TMEM117: variants seen among roughly 807,000 people sequenced by gnomAD.
TMEM117 encodes transmembrane protein 117.
Under a neutral mutation model 52.4 loss-of-function variants are expected in TMEM117, and 27 were observed. The ratio of observed to expected loss-of-function variants is 0.51; its 90% confidence interval spans 0.38 to 0.71. TMEM117 has a LOEUF of 0.71. TMEM117 is among the 30% of genes least tolerant of loss of function. TMEM117 has a pLI of 0.00. For missense variants in TMEM117, 556 were observed against 630.5 expected (o/e 0.88, Z 1.26); for synonymous variants, 215 against 206.3 (o/e 1.04, Z -0.36).
At chr12:43,916,801 A>G (rs10880586) in intron 2 of TMEM117, among the ~76,000 whole-genome samples, 24,290 of 152,100 alleles carry the variant, frequency 0.16, 2,839 homozygotes, top group African/African-American at 0.32. Flanking sequence ...AGGGCTAAAC[A>G]TAAGCCAGGT....
At chr12:44,100,662 G>A (rs1747659331) in intron 3 of TMEM117, among the ~76,000 whole-genome samples, 1 of 151,930 alleles carries the variant, frequency 6.6e-6, no homozygotes, top group African/African-American at 2.4e-5. Context: ...TCAAGTTATT[G>A]CTTTATCTTG....
At chr12:43,812,510 A>T in the TMEM117 span, among the ~76,000 whole-genome samples, 1 of 152,210 alleles carries the variant, frequency 6.6e-6, no homozygotes, top group East Asian at 1.9e-4. Context: ...TGAAGGATAT[A>T]TTTACATACT....
intron 1 of TMEM117, among the ~76,000 whole-genome samples, chr12:43,842,215 T>C (rs932747974): frequency 1.3e-5 from 2 of 152,218 alleles, no homozygotes. Flanking sequence ...TCTGCTCTCT[T>C]TGATGTGAGA....
intron 7 of TMEM117, among the ~76,000 whole-genome samples, chr12:44,380,139 T>C (rs1350815715): frequency 6.6e-6 from 1 of 152,194 alleles, no homozygotes; most frequent in Non-Finnish European, 1.5e-5. Flanking sequence ...TTAATTTGTT[T>C]TCATATGCAA....
intron 6 of TMEM117, among the ~76,000 whole-genome samples, chr12:44,361,110 G>T (rs1951715174): frequency 6.6e-6 from 1 of 152,026 alleles, no homozygotes; most frequent in East Asian, 1.9e-4. Flanking sequence ...GACTCTAAAA[G>T]ACAATTAATC....
intron 3 of TMEM117, among the ~76,000 whole-genome samples, chr12:44,064,064 G>C (rs1947184073): frequency 6.6e-6 from 1 of 152,006 alleles, no homozygotes; most frequent in Non-Finnish European, 1.5e-5. Context: ...GGATTACTGA[G>C]AACCAATTCT....
intron 3 of TMEM117, among the ~76,000 whole-genome samples, chr12:44,005,172 T>G (rs1946174733): frequency 6.6e-6 from 1 of 152,202 alleles, no homozygotes; most frequent in South Asian, 2.1e-4. Flanking sequence ...GTAAACAAGA[T>G]TAGAACGGAT....
intron 6 of TMEM117, among the ~76,000 whole-genome samples, chr12:44,358,504 T>C (rs892502579): frequency 6.6e-6 from 1 of 152,238 alleles, no homozygotes; most frequent in East Asian, 1.9e-4. Context: ...AGAGATTGTG[T>C]TATTCTTCAT....
intron 1 of TMEM117, among the ~76,000 whole-genome samples, 160 bp from the exon 2 acceptor site, chr12:43,844,464 G>T (rs548007866): frequency 2.6e-5 from 4 of 152,164 alleles, no homozygotes; most frequent in Non-Finnish European, 5.9e-5. Flanking sequence ...GACAGTATTC[G>T]CTTTCCTCAT....
rs994052078 is a variant in TMEM117, at chr12:44,299,553, C to G, written c.609-27C>G. 3.7e-6 allele frequency: 6 copies of G among 1,612,214 alleles called. No individual in the cohort carries two copies. In the African/African-American group the frequency reaches 6.7e-5, roughly 18 times the overall value. On this transcript the variant is annotated intron_variant, in intron 5 of 7. Coordinates refer to ENST00000266534, the MANE Select transcript of TMEM117 (RefSeq NM_032256.3). ...GTATCTATATTTTATGCCTTATGTT[C>G]TTTAATGAGTGTCTTGTTCCTTACA...
intron 5 of TMEM117, among the ~76,000 whole-genome samples, chr12:44,239,721 G>A (rs1049438593): frequency 1.3e-5 from 2 of 151,990 alleles, no homozygotes; most frequent in Admixed American, 6.6e-5. Flanking sequence ...GTACCAGTAT[G>A]ACAATTTATA....
intron 3 of TMEM117, among the ~76,000 whole-genome samples, chr12:43,973,658 T>C (rs964874638): frequency 9.9e-5 from 15 of 152,216 alleles, no homozygotes; most frequent in African/African-American, 3.6e-4. Context: ...CTCTTTGCAA[T>C]GGCATGTAAT....
chr12:44,189,829 T>C (rs1344941726), intron 4 of TMEM117, among the ~76,000 whole-genome samples: 1 of 152,198 alleles, frequency 6.6e-6, no homozygotes, highest in African/African-American at 2.4e-5. Context: ...TAAATACAAA[T>C]ACATAGTTTA....
chr12:44,264,174 T>C (rs1038209575), intron 5 of TMEM117, among the ~76,000 whole-genome samples: 1 of 152,228 alleles, frequency 6.6e-6, no homozygotes. Flanking sequence ...TTCTGACAAG[T>C]TTGTTTTTCT....
chr12:43,831,887 G>C (rs1431803358), upstream of TMEM117, among the ~76,000 whole-genome samples: 1 of 152,082 alleles, frequency 6.6e-6, no homozygotes, highest in Non-Finnish European at 1.5e-5. Context: ...ATTTTACAAA[G>C]GAATGATATG....
intron 2 of TMEM117, among the ~76,000 whole-genome samples, chr12:43,869,653 T>G (rs1943669883): frequency 6.6e-6 from 1 of 152,262 alleles, no homozygotes; most frequent in African/African-American, 2.4e-5. Context: ...AATATGAGGC[T>G]AAACTGTAAT....
chr12:43,813,231 G>GCTTTTTT, the TMEM117 span, among the ~76,000 whole-genome samples: 32 of 62,666 alleles, frequency 5.1e-4, 1 homozygote, highest in African/African-American at 1.8e-3. Flanking sequence ...GTTTTCTCTT[G>GCTTTTTT]TTTTTTTTTT....
At chr12:44,350,109 TTC>T (rs1393460050) in intron 6 of TMEM117, among the ~76,000 whole-genome samples, 1 of 152,022 alleles carries the variant, frequency 6.6e-6, no homozygotes, top group Non-Finnish European at 1.5e-5. Context: ...TCCAATTATT[TTC>T]TCTCTTTCAG....
intron 5 of TMEM117, among the ~76,000 whole-genome samples, chr12:44,234,696 C>T (rs73102947): frequency 9.6e-4 from 145 of 151,318 alleles, no homozygotes; most frequent in Non-Finnish European, 1.6e-3. Flanking sequence ...CACAGGCATA[C>T]TTTCTTTTTC....
Sources: allele counts gnomAD v4.1 joint callset (sites outside exome capture counted in the v4.1 genomes callset), GRCh38; gene constraint gnomAD v4.1.1; transcripts MANE v1.5; gene names NCBI Gene and HGNC (gene_info 2026-07-23, HGNC 2026-07-21).